Variants in TRIO observed in about 807,000 individuals in gnomAD.
The protein encoded by TRIO is triple functional domain protein.
A neutral mutation model predicts 351.9 loss-of-function variants in TRIO; 58 were observed. The ratio of observed to expected loss-of-function variants is 0.16; its 90% CI spans 0.13 to 0.21. TRIO has a LOEUF of 0.21. TRIO is among the 10% of genes least tolerant of loss of function. TRIO has a pLI of 1.00. For missense variants in TRIO, 3,201 were observed against 4,027.8 expected (o/e 0.79, Z 5.56); for synonymous variants, 1,758 against 1,595.7 (o/e 1.10, Z -2.42).
intron 3 of TRIO, among the ~76,000 whole-genome samples, chr5:14,283,025 C>G (rs187429993): frequency 6.6e-6 from 1 of 152,154 alleles, no homozygotes; most frequent in African/African-American, 2.4e-5. Context: ...CCTGCAGGTG[C>G]TACCCCTAGT....
chr5:14,176,334 G>T (rs911407931), intron 1 of TRIO, among the ~76,000 whole-genome samples: 5 of 152,152 alleles, frequency 3.3e-5, no homozygotes, highest in Non-Finnish European at 5.9e-5. Flanking sequence ...GCCGGACATG[G>T]TGGCGGGCGC....
chr5:14,380,616 T>G (rs977973997), intron 20 of TRIO, among the ~76,000 whole-genome samples: 2 of 141,336 alleles, frequency 1.4e-5, no homozygotes, highest in Non-Finnish European at 3.2e-5. Flanking sequence ...AACTATTTTT[T>G]GTTTTTTTTG....
chr5:14,152,972 A>G (rs946484117), intron 1 of TRIO, among the ~76,000 whole-genome samples: 1 of 152,210 alleles, frequency 6.6e-6, no homozygotes, highest in Non-Finnish European at 1.5e-5. Flanking sequence ...TGCAGGATTC[A>G]TTGTTAGGCC....
In TRIO at chr5:14,508,224, G is replaced by A. The variant is rs767701741; in HGVS notation, c.9096G>A (p.Gln3032=). 6.2e-7 allele frequency: 1 copy of A among 1,613,950 alleles called. No individual in the cohort carries two copies. Residue 3032 remains glutamine, a synonymous_variant, in exon 57 of 57, where the codon CAG becomes CAA. Transcript: ENST00000344204. ...KAKEFVCFLL[Q]EDPAKRPSAA... ...AGGAGTTCGTGTGCTTCCTCCTGCA[G>A]GAGGACCCCGCCAAGCGTCCCTCGG... is the stretch of plus-strand genomic sequence containing the variant.
At chr5:14,350,024 G>T (rs571562107) in intron 11 of TRIO, among the ~76,000 whole-genome samples, 17 of 152,298 alleles carry the variant, frequency 1.1e-4, no homozygotes, top group African/African-American at 3.9e-4. Flanking sequence ...ACGGCCTCCA[G>T]CTCTGTCTAT....
At chr5:14,179,660 G>T (rs1376912645) in intron 1 of TRIO, among the ~76,000 whole-genome samples, 1 of 151,942 alleles carries the variant, frequency 6.6e-6, no homozygotes, top group Non-Finnish European at 1.5e-5. Flanking sequence ...TTTTGCCCAG[G>T]CTGATCTCGA....
At position 14,501,209 on chromosome 5, in the gene TRIO, TA is replaced by T. The variant is rs561946314; in HGVS notation, c.8333-1369del. Among the ~76,000 whole-genome samples, 8 of 152,364 alleles carry T rather than the reference TA, an allele frequency of 5.3e-5. No individual in the cohort carries two copies. The South Asian group carries it at 1.7e-3, about 32-fold the overall frequency. ...CTGCCTAGTGAAATAATTTTATTTT[TA>T]TTAATGCTTCTCTCTCAGTACTCCT... is the stretch of plus-strand genomic sequence containing the variant. On this transcript the variant is annotated intron_variant, in intron 53 of 56. Coordinates refer to ENST00000344204, the MANE Select transcript of TRIO (RefSeq NM_007118.4).
intron 1 of TRIO, among the ~76,000 whole-genome samples, chr5:14,204,878 T>C (rs903696373): frequency 6.6e-6 from 1 of 152,206 alleles, no homozygotes; most frequent in Non-Finnish European, 1.5e-5. Context: ...AGTGATTTAA[T>C]ATTTGTAAAG....
At chr5:14,401,795 C>A (rs1394182632) in intron 31 of TRIO, among the ~76,000 whole-genome samples, 1 of 152,156 alleles carries the variant, frequency 6.6e-6, no homozygotes, top group African/African-American at 2.4e-5. Flanking sequence ...CTGGAAATGC[C>A]ATCAGCGGCT....
intron 1 of TRIO, among the ~76,000 whole-genome samples, chr5:14,260,255 G>A (rs1406473150): frequency 4.6e-5 from 7 of 152,126 alleles, no homozygotes; most frequent in Non-Finnish European, 8.8e-5. Flanking sequence ...AAATGGATTT[G>A]TCTAATTAAT....
At chr5:14,406,995 A>G (rs1748783170) in intron 33 of TRIO, among the ~76,000 whole-genome samples, 1 of 152,190 alleles carries the variant, frequency 6.6e-6, no homozygotes, top group Non-Finnish European at 1.5e-5. Flanking sequence ...ATCATTTAAA[A>G]TAAAATCCTA....
At chr5:14,454,431 C>T (rs189726892) in intron 34 of TRIO, among the ~76,000 whole-genome samples, 1 of 152,306 alleles carries the variant, frequency 6.6e-6, no homozygotes, top group African/African-American at 2.4e-5. Context: ...ATAAATAATT[C>T]ACAAACTCAT....
At chr5:14,462,702 C>G in intron 35 of TRIO, 53 bp from the exon 36 acceptor site, 2 of 1,604,474 alleles carry the variant, frequency 1.2e-6, no homozygotes, top group Non-Finnish European at 1.7e-6. Context: ...ACCCTTGGTC[C>G]ACGTCTGTGA....
chr5:14,286,763 G>T lies in TRIO; in HGVS notation c.348-108G>T. ...TGTGCTCCTTCCCCTGCCTCCGCAC[G>T]TGTCCAGCAGGGGAGGGAAGCTGGG... On this transcript the variant is annotated intron_variant, in intron 3 of 56. Transcript: ENST00000344204. This position sits in a 1 kb window ranked among gnomAD's most constrained non-coding sequence, Gnocchi z 4.4. 1 of 1,155,598 alleles carries T rather than the reference G, an allele frequency of 8.7e-7. No individual in the cohort carries two copies. 71.6% of individuals were successfully genotyped at this position (1,155,598 alleles called of 1,614,324 possible).
intron 31 of TRIO, among the ~76,000 whole-genome samples, chr5:14,402,290 C>T (rs976697478): frequency 6.6e-6 from 1 of 152,200 alleles, no homozygotes; most frequent in Non-Finnish European, 1.5e-5. Context: ...ATACTTTAGC[C>T]AGATCTGGAC....
chr5:14,253,842 C>T (rs1484034759), intron 1 of TRIO, among the ~76,000 whole-genome samples: 1 of 152,146 alleles, frequency 6.6e-6, no homozygotes, highest in African/African-American at 2.4e-5. Context: ...TGAAGTCTTC[C>T]AGAGGCTACC....
intron 49 of TRIO, among the ~76,000 whole-genome samples, chr5:14,493,804 G>A (rs947743887): frequency 1.3e-5 from 2 of 152,184 alleles, no homozygotes; most frequent in African/African-American, 4.8e-5. Context: ...TAAATGCAAA[G>A]GAAATAAAAG....
intron 11 of TRIO, among the ~76,000 whole-genome samples, chr5:14,348,574 C>T (rs111954356): frequency 0.012 from 1,840 of 152,162 alleles, 40 homozygotes; most frequent in African/African-American, 0.042. Context: ...GTTTTTCCTG[C>T]GTGTATATGC....
chr5:14,325,773 C>A (rs141044841), intron 9 of TRIO, among the ~76,000 whole-genome samples: 1 of 152,264 alleles, frequency 6.6e-6, no homozygotes, highest in Non-Finnish European at 1.5e-5. Context: ...TAGTAGGGAC[C>A]TACTACAGAA....
Sources: gnomAD v4.1 joint callset for allele counts (sites outside exome capture counted in the v4.1 genomes callset) on GRCh38, gnomAD v4.1.1 for gene constraint, Gnocchi (gnomAD v3.1) non-coding constraint, MANE v1.5 for transcripts, NCBI Gene and HGNC (gene_info 2026-07-23, HGNC 2026-07-21) for gene names.